PHACTR3: variants seen among roughly 807,000 people sequenced by gnomAD.
PHACTR3 encodes the protein protein phosphatase 1, regulatory subunit 123.
A neutral mutation model predicts 66.8 loss-of-function variants in PHACTR3; 16 were observed. The ratio of observed to expected loss-of-function variants is 0.24; its 90% CI spans 0.16 to 0.36. The LOEUF is 0.36. Ranked by LOEUF, PHACTR3 falls within the 10% of genes least tolerant of loss-of-function variation. The probability of loss-of-function intolerance (pLI) is 1.00; values close to 1 mark genes in which losing one functional copy is unlikely to be tolerated. For synonymous variants in PHACTR3, 323 were observed against 292.1 expected (o/e 1.11, Z -1.08); for missense variants, 647 against 719.9 (o/e 0.90, Z 1.16).
chr20:59,683,035 G>A (rs532089674), intron 1 of PHACTR3, among the ~76,000 whole-genome samples: 1 of 152,324 alleles, frequency 6.6e-6, no homozygotes, highest in South Asian at 2.1e-4. Flanking sequence ...AATCCAGGCG[G>A]GAGATGATGC....
intron 1 of PHACTR3, among the ~76,000 whole-genome samples, chr20:59,605,846 CG>C (rs200107140): frequency 1.2e-3 from 9 of 7,762 alleles, no homozygotes; most frequent in Non-Finnish European, 3.5e-3. Context: ...CCTAATAAAG[CG>C]GGGGGGGAGG....
At chr20:59,589,550 A>G (rs2033131713) in intron 1 of PHACTR3, among the ~76,000 whole-genome samples, 1 of 152,220 alleles carries the variant, frequency 6.6e-6, no homozygotes, top group African/African-American at 2.4e-5. Context: ...ACTGCTTTTG[A>G]ATGGTTACTC....
At position 59,722,088 on chromosome 20, in the gene PHACTR3, C is replaced by T. The variant is rs187034778; in HGVS notation, c.119-21019C>T. Among the ~76,000 whole-genome samples, 356 of 152,110 alleles carry T rather than the reference C, an allele frequency of 2.3e-3. 4 individuals carry two copies. Among genetic ancestry groups the T allele is most frequent in the Admixed American group, 2.5e-3 (38 of 15,284 alleles). On this transcript the variant is annotated intron_variant, in intron 1 of 12. Coordinates refer to ENST00000371015, the MANE Select transcript of PHACTR3 (RefSeq NM_080672.5). ...TACTAAAAAATACAGAAAAATTAGCCGGGTGTGGTGGCGGGCACCTGTGGT... is the reference window on the plus strand; with the variant it reads ...TACTAAAAAATACAGAAAAATTAGCTGGGTGTGGTGGCGGGCACCTGTGGT...
intron 1 of PHACTR3, among the ~76,000 whole-genome samples, chr20:59,654,316 A>G (rs1222825423): frequency 6.6e-6 from 1 of 152,168 alleles, no homozygotes; most frequent in African/African-American, 2.4e-5. Flanking sequence ...TCTTTATAGA[A>G]AAATTTTAAT....
chr20:59,708,656 C>T (rs2037806576), intron 1 of PHACTR3, among the ~76,000 whole-genome samples: 1 of 152,198 alleles, frequency 6.6e-6, no homozygotes, highest in Non-Finnish European at 1.5e-5. Flanking sequence ...CCCAAAGTCC[C>T]ACTCAGTCAC....
chr20:59,619,489 TAG>T (rs1295593538), intron 1 of PHACTR3, among the ~76,000 whole-genome samples: 1 of 151,862 alleles, frequency 6.6e-6, no homozygotes, highest in Non-Finnish European at 1.5e-5. Flanking sequence ...AGCACGGAAG[TAG>T]AGTTTCCCCT....
rs537876190 is a variant in PHACTR3, at chr20:59,595,354, C to G, written c.109+17737C>G. On this transcript the variant is annotated intron_variant, in intron 1 of 12. Coordinates refer to the PHACTR3 transcript ENST00000359926. ...GTGCACGCCTGTAGTCCCGGCGAAT[C>G]GGGCGGTTGAGGCAGGAGAATGGCT... 3.3e-5 allele frequency among the ~76,000 whole-genome samples: 5 copies of G among 152,214 alleles called. No individual in the cohort carries two copies. In the East Asian group the frequency reaches 7.7e-4, roughly 23 times the overall value.
At chr20:59,621,955 A>G (rs1600936302) in intron 1 of PHACTR3, among the ~76,000 whole-genome samples, 1 of 152,356 alleles carries the variant, frequency 6.6e-6, no homozygotes, top group Non-Finnish European at 1.5e-5. Context: ...TTTAAGGTCA[A>G]CTTTGCCATC....
rs554049887 is a variant in PHACTR3 at position 59,699,866 on chromosome 20, G to A, written c.119-43241G>A. Among the ~76,000 whole-genome samples, 29 of 152,294 alleles carry A rather than the reference G, an allele frequency of 1.9e-4. 1 individual carries two copies. In the East Asian group the frequency reaches 4.8e-3, roughly 25 times the overall value. On this transcript the variant is annotated intron_variant, in intron 1 of 12. Transcript: ENST00000371015. ...AATCCCAGCTACTCAGGAGGCTGAG[G>A]CAGAATAATCATTTGAACCTGGGAG... is the stretch of plus-strand genomic sequence containing the variant.
intron 5 of PHACTR3, among the ~76,000 whole-genome samples, chr20:59,772,123 G>A (rs554595959): frequency 6.6e-6 from 1 of 152,252 alleles, no homozygotes; most frequent in Admixed American, 6.5e-5. Context: ...TTGCATACTG[G>A]GAAATGGCAG....
intron 1 of PHACTR3, among the ~76,000 whole-genome samples, chr20:59,608,738 T>G (rs936560603): frequency 6.6e-6 from 1 of 152,232 alleles, no homozygotes; most frequent in Non-Finnish European, 1.5e-5. Context: ...ACTCTCTGGC[T>G]CTGAGCTCCA....
chr20:59,615,836 C>T (rs1472370257), intron 1 of PHACTR3, among the ~76,000 whole-genome samples: 2 of 152,134 alleles, frequency 1.3e-5, no homozygotes, highest in Non-Finnish European at 2.9e-5. Context: ...ACACTTGACC[C>T]CTTTGGTTGG....
intron 1 of PHACTR3, among the ~76,000 whole-genome samples, chr20:59,708,230 C>T (rs775015569): frequency 2.0e-5 from 3 of 152,144 alleles, no homozygotes; most frequent in East Asian, 1.9e-4. Context: ...AAGCTGGGCA[C>T]GTGCTACTGT....
intron 2 of PHACTR3, among the ~76,000 whole-genome samples, chr20:59,745,537 C>T (rs755260320): frequency 2.0e-5 from 3 of 152,246 alleles, no homozygotes; most frequent in Non-Finnish European, 4.4e-5. Context: ...TTACTTATTC[C>T]AAACCACTAT....
chr20:59,684,089 G>A (rs1416690060), intron 1 of PHACTR3, among the ~76,000 whole-genome samples: 2 of 152,228 alleles, frequency 1.3e-5, no homozygotes, highest in Non-Finnish European at 2.9e-5. Flanking sequence ...GTTCTAGGAT[G>A]TGGCCCTGCA....
At chr20:59,577,805 C>G (rs1393166754) in intron 1 of PHACTR3, among the ~76,000 whole-genome samples, 1 of 152,196 alleles carries the variant, frequency 6.6e-6, no homozygotes, top group East Asian at 1.9e-4. Flanking sequence ...CCCCTCCTCC[C>G]CCTCGCAGCA....
intron 8 of PHACTR3, among the ~76,000 whole-genome samples, chr20:59,806,754 A>G (rs960082688): frequency 6.6e-6 from 1 of 152,218 alleles, no homozygotes; most frequent in East Asian, 1.9e-4. Context: ...TGTTGTGGGA[A>G]CATCACAGAG....
At chr20:59,840,068 G>T (rs2059031080) in intron 9 of PHACTR3, among the ~76,000 whole-genome samples, 1 of 152,138 alleles carries the variant, frequency 6.6e-6, no homozygotes, top group South Asian at 2.1e-4. Context: ...AGACACAGAG[G>T]TGTCTACTTC....
chr20:59,675,142 C>T lies in PHACTR3; in HGVS notation c.119-67965C>T, dbSNP rs1330425355. The stretch of plus-strand genomic sequence containing the variant: ...TCCCCTCCACTTACCCCTCTCCCTC[C>T]CTATTCTTTTCCCTCTTCCCTTCCC... On this transcript the variant is annotated intron_variant, in intron 1 of 12. Coordinates refer to ENST00000371015, the MANE Select transcript of PHACTR3 (RefSeq NM_080672.5). Among the ~76,000 whole-genome samples, 7 of 133,406 alleles carry T rather than the reference C, an allele frequency of 5.2e-5. 1 individual carries two copies. Among genetic ancestry groups the T allele is most frequent in the Non-Finnish European group, 1.1e-4 (7 of 62,528 alleles). The allele number at this position is 133,406 out of a possible 152,430, so 87.5% of individuals were successfully genotyped here.
Sources: gnomAD v4.1 joint callset for allele counts (sites outside exome capture counted in the v4.1 genomes callset) on GRCh38, gnomAD v4.1.1 for gene constraint, MANE v1.5 for transcripts, NCBI Gene and HGNC (gene_info 2026-07-23, HGNC 2026-07-21) for gene names.